FAM161A: variants seen among roughly 807,000 people sequenced by gnomAD.
The protein encoded by FAM161A is FAM161 centrosomal protein A.
A neutral mutation model predicts 70.9 loss-of-function variants in FAM161A; 57 were observed. That is an observed-to-expected ratio of 0.80 (90% confidence interval 0.65 to 1.00). The LOEUF (loss-of-function observed/expected upper bound fraction) is 1.00. FAM161A is among the 50% of genes least tolerant of loss of function. The pLI is 0.00. For synonymous variants in FAM161A, 299 were observed against 295.7 expected (o/e 1.01, Z -0.12); for missense variants, 880 against 836.0 (o/e 1.05, Z -0.65).
intron 4 of FAM161A, among the ~76,000 whole-genome samples, chr2:61,837,813 G>C (rs908888175): frequency 6.6e-6 from 1 of 152,092 alleles, no homozygotes; most frequent in Non-Finnish European, 1.5e-5. Flanking sequence ...GAAACATTAT[G>C]CTCACGTTCA....
chr2:61,824,743 C>G (rs879304048), downstream of FAM161A: 1 of 292,340 alleles, frequency 3.4e-6, no homozygotes, highest in Non-Finnish European at 6.6e-6. Flanking sequence ...AGTACTATTA[C>G]AATTTGTAGA....
In FAM161A at chr2:61,838,667, C is replaced by G; in HGVS notation, c.1622G>C (p.Arg541Thr). ...CTTCTGTTTAGTTAGGATCCGATTT[C>G]TCTCTTCTTCCAACATTTTCTTTTC... Reference protein sequence around the residue: ...LEEKKMLEEERNRILTKQKQR... With the variant: ...LEEKKMLEEETNRILTKQKQR... Residue 541 changes from arginine (R) to threonine (T), a missense_variant, in exon 4 of 7, where the codon AGA (arginine) becomes ACA (threonine). Coordinates refer to ENST00000404929, the MANE Select transcript of FAM161A (RefSeq NM_001201543.2). 2 of 1,608,980 alleles carry G rather than the reference C, an allele frequency of 1.2e-6. No homozygotes were observed. Among genetic ancestry groups the G allele is most frequent in the Non-Finnish European group, 1.7e-6 (2 of 1,178,256 alleles).
chr2:61,834,435 T>A (rs1047206246), intron 5 of FAM161A, among the ~76,000 whole-genome samples: 25 of 151,184 alleles, frequency 1.7e-4, no homozygotes, highest in Admixed American at 1.3e-3. Context: ...AGTTCAATCA[T>A]ACCCCAAACC....
intron 5 of FAM161A, 25 bp downstream of exon 5, chr2:61,835,985 G>C (rs1672757101): frequency 2.1e-6 from 3 of 1,408,050 alleles, no homozygotes; most frequent in African/African-American, 2.9e-5. Context: ...ACTGACGATA[G>C]CTCTTAAATT....
chr2:61,827,978 C>G (rs1672438324), intron 5 of FAM161A, among the ~76,000 whole-genome samples: 1 of 152,160 alleles, frequency 6.6e-6, no homozygotes, highest in Admixed American at 6.5e-5. Context: ...AAAGCACTGA[C>G]AAGTACATAT....
chr2:61,827,438 G>A (rs972641304), intron 5 of FAM161A, among the ~76,000 whole-genome samples, 180 bp from the exon 6 acceptor site: 2 of 151,850 alleles, frequency 1.3e-5, no homozygotes, highest in African/African-American at 2.4e-5. Context: ...GTGAAACCCC[G>A]TCTCTACTAA....
rs561136907 is a variant in FAM161A at position 61,845,768 on chromosome 2, C to T, written c.184-3408G>A. Among the ~76,000 whole-genome samples, 24 of 150,478 alleles carry T rather than the reference C, an allele frequency of 1.6e-4. 2 individuals carry two copies. In the South Asian group the frequency reaches 5.1e-3, roughly 32 times the overall value. ...CGTGAGCGCGCCACTGCACTTGAGC[C>T]TGGGCGACAGAGTGAGACCTTGTAT... On this transcript the variant is annotated intron_variant, in intron 1 of 6. Transcript: ENST00000404929.
chr2:61,804,780 A>AAGAAAGAAAGAAAGAAAG, the FAM161A span, among the ~76,000 whole-genome samples: 5 of 147,718 alleles, frequency 3.4e-5, no homozygotes, highest in Admixed American at 3.4e-4. Context: ...GAAAGAAAGA[A>AAGAAAGAAAGAAAGAAAG]AGAAAGAAAG....
intron 2 of FAM161A, 56 bp downstream of exon 2, chr2:61,842,066 T>C: frequency 8.9e-7 from 1 of 1,126,434 alleles, no homozygotes; most frequent in Non-Finnish European, 1.4e-6. Context: ...TGTTCTGTCC[T>C]TTTAAGGATA....
intron 1 of FAM161A, chr2:61,846,928 C>T (rs752594973): frequency 6.6e-6 from 3 of 454,992 alleles, no homozygotes; most frequent in Admixed American, 4.7e-5. Flanking sequence ...TGCCTGTAAT[C>T]CCAGCACTTT....
At chr2:61,838,389 C>G (rs181379371) in intron 4 of FAM161A, 149 bp downstream of exon 4, 1 of 650,426 alleles carries the variant, frequency 1.5e-6, no homozygotes, top group Admixed American at 3.0e-5. Context: ...AGTGTGTGTG[C>G]ACTGAACACA....
chr2:61,848,422 G>C (rs1272850177), intron 1 of FAM161A, among the ~76,000 whole-genome samples: 1 of 151,946 alleles, frequency 6.6e-6, no homozygotes, highest in Non-Finnish European at 1.5e-5. Context: ...TCTCCACTGA[G>C]AAAATATTTA....
At chr2:61,831,011 C>T (rs1672554087) in intron 5 of FAM161A, among the ~76,000 whole-genome samples, 1 of 149,980 alleles carries the variant, frequency 6.7e-6, no homozygotes, top group African/African-American at 2.5e-5. Context: ...ACTCAGGAGG[C>T]TAAGGCAGGA....
chr2:61,823,712 T>A (rs747894024), downstream of FAM161A, among the ~76,000 whole-genome samples: 43 of 152,094 alleles, frequency 2.8e-4, no homozygotes, highest in Non-Finnish European at 2.8e-4. Flanking sequence ...TTTGTGTATG[T>A]GTAAAATAAC....
intron 5 of FAM161A, among the ~76,000 whole-genome samples, chr2:61,833,076 G>A (rs1325316434): frequency 6.6e-6 from 1 of 151,976 alleles, no homozygotes; most frequent in Non-Finnish European, 1.5e-5. Flanking sequence ...AGGGAAGGTG[G>A]GGGGAGGACC....
At chr2:61,830,751 TC>T (rs1033984346) in intron 5 of FAM161A, among the ~76,000 whole-genome samples, 1 of 147,028 alleles carries the variant, frequency 6.8e-6, no homozygotes, top group African/African-American at 2.5e-5. Flanking sequence ...CAAATGATCC[TC>T]CCCCCCTCAG....
rs397984772 is a variant in FAM161A, at chr2:61,830,704, A to AG, written c.1852-3447_1852-3446insC. Among the ~76,000 whole-genome samples, 14 of 147,772 alleles carry AG rather than the reference A, an allele frequency of 9.5e-5. 2 individuals carry two copies. The highest frequency in any genetic ancestry group is 5.4e-4 in the Admixed American group (8 of 14,712). On this transcript the variant is annotated intron_variant, in intron 5 of 6. Transcript: ENST00000404929. ...GTCTCAAAAAAAAAAAAAAAAAAAA[A>AG]TGAGAACAGTAGACACTGGTCTCAA...
the FAM161A span, among the ~76,000 whole-genome samples, chr2:61,801,154 C>T: frequency 3.3e-5 from 5 of 152,012 alleles, no homozygotes; most frequent in African/African-American, 4.8e-5. Context: ...TTGATGCTCA[C>T]GGGAAACAAT....
intron 1 of FAM161A, 84 bp from the exon 2 acceptor site, chr2:61,842,444 A>G: frequency 2.5e-6 from 2 of 805,848 alleles, no homozygotes; most frequent in Non-Finnish European, 4.1e-6. Flanking sequence ...GCTGCTTCTT[A>G]AAGAGTCCAC....
Sources: gnomAD v4.1 joint callset for allele counts (sites outside exome capture counted in the v4.1 genomes callset) on GRCh38, gnomAD v4.1.1 for gene constraint, MANE v1.5 for transcripts, NCBI Gene and HGNC (gene_info 2026-07-23, HGNC 2026-07-21) for gene names.